MARK1: variants seen among roughly 807,000 people sequenced by gnomAD.
MARK1 encodes serine/threonine-protein kinase MARK1.
MARK1 carries 40 observed loss-of-function variants against 96.3 expected under a neutral mutation model. The observed-to-expected ratio is 0.42, with a 90% CI of 0.32 to 0.54. The LOEUF is 0.54. Among genes scored for constraint, MARK1 ranks in the 20% least tolerant of loss-of-function variants. The pLI is 0.16. For missense variants in MARK1, 719 were observed against 984.6 expected (o/e 0.73, Z 3.61); for synonymous variants, 317 against 341.2 (o/e 0.93, Z 0.78).
Position 220,650,647 on chromosome 1 carries a change from G to A in MARK1, c.1498G>A (p.Ala500Thr). The A allele has an allele frequency of 6.2e-7, 1 of 1,611,422 alleles. No individual in the cohort carries two copies. The highest frequency in any genetic ancestry group is 8.5e-7 in the Non-Finnish European group (1 of 1,178,008). Reference sequence around the variant, plus strand: ...CAATGTGTATTCTGGAGGTAGCATGGCAAGAAGGAATACATATGTCTGTGA... The same window carrying A: ...CAATGTGTATTCTGGAGGTAGCATGACAAGAAGGAATACATATGTCTGTGA... The part of the protein sequence containing the change: ...SNNVYSGGSM[A>T]RRNTYVCERT... The change falls in exon 14 of 18, where the codon GCA becomes ACA. Residue 500 changes from alanine to threonine, a missense_variant. Physicochemically the swap from Ala to Thr is moderately conservative, Grantham distance 58. Coordinates refer to ENST00000366917, the MANE Select transcript of MARK1 (RefSeq NM_018650.5).
At chr1:220,587,486 A>C (rs906899445) in intron 3 of MARK1, among the ~76,000 whole-genome samples, 11 of 152,072 alleles carry the variant, frequency 7.2e-5, no homozygotes, top group African/African-American at 2.2e-4. Context: ...CTCCTGCCTT[A>C]GCCTCCCAAG....
chr1:220,621,947 A>G (rs942771751), intron 9 of MARK1, among the ~76,000 whole-genome samples: 4 of 152,188 alleles, frequency 2.6e-5, no homozygotes, highest in Non-Finnish European at 4.4e-5. Flanking sequence ...AATAAAAATT[A>G]TTGAAATTAG....
chr1:220,531,239 A>G (rs561835078), intron 1 of MARK1, among the ~76,000 whole-genome samples: 1 of 152,290 alleles, frequency 6.6e-6, no homozygotes, highest in South Asian at 2.1e-4. Context: ...CTTGTTAGCT[A>G]ATATATTAAT....
At chr1:220,579,884 T>C (rs573811268) in intron 2 of MARK1, among the ~76,000 whole-genome samples, 1 of 152,318 alleles carries the variant, frequency 6.6e-6, no homozygotes, top group Non-Finnish European at 1.5e-5. Context: ...ACAAAAGTTC[T>C]TGCTGCTTGA....
In MARK1 at chr1:220,540,581, T is replaced by G. The variant is rs77251822; in HGVS notation, c.51+11708T>G. 1.9e-3 allele frequency among the ~76,000 whole-genome samples: 295 copies of G among 152,322 alleles called. 1 individual carries two copies. The highest frequency in any genetic ancestry group is 6.7e-3 in the African/African-American group (277 of 41,570). Reference sequence around the variant, plus strand: ...TTAACTATCACGGTAAGTTATATGTTTCTAGGAATTTATACATTTCTTCTA... The same window carrying G: ...TTAACTATCACGGTAAGTTATATGTGTCTAGGAATTTATACATTTCTTCTA... On this transcript the variant is annotated intron_variant, in intron 1 of 17. Coordinates refer to ENST00000366917, the MANE Select transcript of MARK1 (RefSeq NM_018650.5).
At chr1:220,642,365 G>C (rs1668323183) in intron 13 of MARK1, among the ~76,000 whole-genome samples, 1 of 152,212 alleles carries the variant, frequency 6.6e-6, no homozygotes, top group Admixed American at 6.5e-5. Context: ...AGCAGCTGTG[G>C]CAGATCATGG....
chr1:220,549,719 A>G (rs939531605), intron 1 of MARK1, among the ~76,000 whole-genome samples: 2 of 152,196 alleles, frequency 1.3e-5, no homozygotes, highest in African/African-American at 4.8e-5. Flanking sequence ...TTGTGGTGTT[A>G]CATAATGTTT....
At chr1:220,580,913 A>G (rs1664197060) in intron 2 of MARK1, 152 bp from the exon 3 acceptor site, 1 of 345,428 alleles carries the variant, frequency 2.9e-6, no homozygotes, top group Non-Finnish European at 5.5e-6. Context: ...AAGACTGCCA[A>G]ATTATCAAAA....
At chr1:220,583,175 G>A (rs1366234578) in intron 3 of MARK1, among the ~76,000 whole-genome samples, 4 of 152,126 alleles carry the variant, frequency 2.6e-5, no homozygotes, top group East Asian at 1.9e-4. Flanking sequence ...ATAAAAGGCA[G>A]GTAATTATCG....
At chr1:220,542,935 T>C (rs1661244962) in intron 1 of MARK1, among the ~76,000 whole-genome samples, 1 of 152,222 alleles carries the variant, frequency 6.6e-6, no homozygotes, top group Non-Finnish European at 1.5e-5. Flanking sequence ...ATTTCCATAC[T>C]TATGTTCCTA....
At chr1:220,648,910 G>A (rs1376785605) in intron 13 of MARK1, among the ~76,000 whole-genome samples, 1 of 151,880 alleles carries the variant, frequency 6.6e-6, no homozygotes, top group African/African-American at 2.4e-5. Context: ...TAATTTCTAG[G>A]GAATTAAATA....
Position 220,528,876 on chromosome 1 carries a change from G to A in MARK1, c.51+3G>A. The A allele has an allele frequency of 6.4e-7, 1 of 1,567,444 alleles. No homozygotes were observed. Among genetic ancestry groups the A allele is most frequent in the Non-Finnish European group, 8.7e-7 (1 of 1,155,762 alleles). ...TGAACGAGCGGGACACGGAAAATGTGAGTAACCGGAGCCTCCCTCGGGAGC... is the reference window on the plus strand; with the variant it reads ...TGAACGAGCGGGACACGGAAAATGTAAGTAACCGGAGCCTCCCTCGGGAGC... On this transcript the variant is annotated splice_donor_region_variant and intron_variant, in intron 1 of 17. Coordinates refer to ENST00000366917, the MANE Select transcript of MARK1 (RefSeq NM_018650.5).
Position 220,579,548 on chromosome 1 carries a change from T to C in MARK1, c.246T>C (p.Thr82=), listed in dbSNP as rs752789861. 6.2e-7 allele frequency: 1 copy of C among 1,613,888 alleles called. No homozygotes were observed. Among genetic ancestry groups the C allele is most frequent in the Non-Finnish European group, 8.5e-7 (1 of 1,179,834 alleles). Reference sequence around the variant, plus strand: ...TCAAATTGGCAAGACACGTTCTAACTGGTAGAGAGGTAAGTTTGCACAATG... The same window carrying C: ...TCAAATTGGCAAGACACGTTCTAACCGGTAGAGAGGTAAGTTTGCACAATG... ...AKVKLARHVL[T]GREVAVKIID... Residue 82 remains threonine (T), a synonymous_variant, in exon 2 of 18, where the codon ACT becomes ACC. Transcript: ENST00000366917.
intron 11 of MARK1, 32 bp from the exon 12 acceptor site, chr1:220,635,341 TTGC>T: frequency 1.3e-6 from 2 of 1,506,150 alleles, no homozygotes; most frequent in Non-Finnish European, 1.8e-6. Flanking sequence ...TTTTTTTTTT[TTGC>T]TTTAAAATCC....
chr1:220,532,389 A>G (rs1175268812), intron 1 of MARK1, among the ~76,000 whole-genome samples: 3 of 152,166 alleles, frequency 2.0e-5, no homozygotes, highest in African/African-American at 7.2e-5. Context: ...ATAGCATCTA[A>G]TTGCCTGACT....
At chr1:220,552,580 T>C (rs2102747011) in intron 1 of MARK1, among the ~76,000 whole-genome samples, 1 of 152,250 alleles carries the variant, frequency 6.6e-6, no homozygotes, top group East Asian at 1.9e-4. Context: ...CATTCTTTAT[T>C]TGCTATAAAA....
At chr1:220,622,340 C>A (rs1572189365) in intron 9 of MARK1, among the ~76,000 whole-genome samples, 1 of 152,142 alleles carries the variant, frequency 6.6e-6, no homozygotes, top group Non-Finnish European at 1.5e-5. Context: ...CCTCTTATTG[C>A]CCTCTCTTTG....
chr1:220,599,494 T>G (rs1452783597), intron 4 of MARK1, among the ~76,000 whole-genome samples: 1 of 152,084 alleles, frequency 6.6e-6, no homozygotes, highest in Non-Finnish European at 1.5e-5. Flanking sequence ...TCAGTTTAAA[T>G]TCTGTTTTTC....
At chr1:220,550,028 T>A (rs1380396348) in intron 1 of MARK1, among the ~76,000 whole-genome samples, 1 of 152,242 alleles carries the variant, frequency 6.6e-6, no homozygotes, top group African/African-American at 2.4e-5. Flanking sequence ...TTCATGTTCT[T>A]TGGGCTTGCC....
Sources: allele counts gnomAD v4.1 joint callset (sites outside exome capture counted in the v4.1 genomes callset), GRCh38; gene constraint gnomAD v4.1.1; transcripts MANE v1.5; gene names NCBI Gene and HGNC (gene_info 2026-07-23, HGNC 2026-07-21).